Variants in HID1 observed in about 807,000 individuals in gnomAD.
HID1 encodes HID1 domain containing, also known as protein HID1.
Under a neutral mutation model 89.7 loss-of-function variants are expected in HID1, and 42 were observed. The observed-to-expected ratio is 0.47, with a 90% CI of 0.37 to 0.61. The LOEUF is 0.61. HID1 is among the 20% of genes least tolerant of loss of function. The pLI, the probability that HID1 is intolerant of heterozygous loss-of-function variation, is 0.00. For synonymous variants in HID1, 442 were observed against 433.8 expected (o/e 1.02, Z -0.24); for missense variants, 854 against 1,039.3 (o/e 0.82, Z 2.45).
intron 16 of HID1, 144 bp from the exon 17 acceptor site, chr17:74,952,504 C>T: frequency 1.6e-6 from 1 of 629,118 alleles, no homozygotes; most frequent in Non-Finnish European, 2.8e-6. Context: ...CAAGCAGGAC[C>T]CGGGAAGAGT....
chr17:74,958,325 A>G lies in HID1; in HGVS notation c.1392+2T>C. 2 of 1,613,132 alleles carry G rather than the reference A, an allele frequency of 1.2e-6. No individual in the cohort carries two copies. The highest frequency in any genetic ancestry group is 1.7e-6 in the Non-Finnish European group (2 of 1,179,660). On this transcript the variant is annotated splice_donor_variant, in intron 11 of 18. Transcript: ENST00000425042. LOFTEE classifies it high-confidence loss of function. This position sits in a 1 kb window ranked among gnomAD's most constrained non-coding sequence, Gnocchi z 5.2. ...TGGGCCCGGCCGCACGAGCCCCCTC[A>G]CCACAATGAGCAGGTCGGCGTGGGT...
intron 6 of HID1, 151 bp from the exon 7 acceptor site, chr17:74,960,399 C>T: frequency 1.5e-6 from 1 of 678,572 alleles, no homozygotes; most frequent in Non-Finnish European, 2.5e-6. Context: ...GTGTGGGAAG[C>T]CCAGAGCCAT....
intron 13 of HID1, 69 bp downstream of exon 13, chr17:74,955,723 T>C: frequency 6.8e-7 from 1 of 1,480,522 alleles, no homozygotes; most frequent in South Asian, 1.2e-5. Context: ...TCCTGGGCTG[T>C]GCCCCCCTTA....
In HID1 at chr17:74,959,138, C is replaced by G; in HGVS notation, c.1009-87G>C. On this transcript the variant is annotated intron_variant, in intron 8 of 18. Coordinates refer to ENST00000425042, the MANE Select transcript of HID1 (RefSeq NM_030630.3). This position sits in a 1 kb window ranked among gnomAD's most constrained non-coding sequence, Gnocchi z 4.6. ...GCCCAGGCCCCCAACAAATCCCCCC[C>G]TCCATCCCCCAGAGCCAGATCCCAC... The G allele has an allele frequency of 7.1e-7, 1 of 1,402,678 alleles. No homozygotes were observed. Among genetic ancestry groups the G allele is most frequent in the Non-Finnish European group, 9.4e-7 (1 of 1,063,304 alleles). The allele number at this position is 1,402,678 out of a possible 1,614,324, so 86.9% of individuals were successfully genotyped here. A position where few individuals can be genotyped will look rare whatever the true frequency, so the allele number is the denominator to read the frequency against.
rs745764176 is a variant in HID1 at position 74,958,733 on chromosome 17, C to T, written c.1180G>A (p.Asp394Asn). ...ATGGGGACAAGGATGTCTAGGACGTCGCTGCTCTTCAGCACGAAGAAGAGG... is the reference window on the plus strand; with the variant it reads ...ATGGGGACAAGGATGTCTAGGACGTTGCTGCTCTTCAGCACGAAGAAGAGG... ...KFLFFVLKSS[D>N]VLDILVPILF... Residue 394 changes from aspartate (D) to asparagine (N), a missense_variant, in exon 10 of 19, where the codon GAC (aspartate) becomes AAC (asparagine). By Grantham distance (23) the Asp-to-Asn change is conservative (BLOSUM62 1). Coordinates refer to ENST00000425042, the MANE Select transcript of HID1 (RefSeq NM_030630.3). This position sits in a 1 kb window ranked among gnomAD's most constrained non-coding sequence, Gnocchi z 5.2. 47 of 1,610,626 alleles carry T rather than the reference C, an allele frequency of 2.9e-5. No individual in the cohort carries two copies. Among genetic ancestry groups the T allele is most frequent in the African/African-American group, 8.1e-5 (6 of 73,972 alleles).
chr17:74,954,909 CT>C (rs149118942), intron 13 of HID1: 7,888 of 162,210 alleles, frequency 0.049, 662 homozygotes, highest in African/African-American at 0.18. Flanking sequence ...CACCTTACCC[CT>C]ATTTCTCCCT....
At chr17:74,954,468 T>A (rs965079308) in intron 13 of HID1, 103 bp from the exon 14 acceptor site, 9 of 1,532,930 alleles carry the variant, frequency 5.9e-6, no homozygotes, top group Non-Finnish European at 7.0e-6. Context: ...GACAGGAGGG[T>A]GTCTGCCCAA....
intron 15 of HID1, 64 bp from the exon 16 acceptor site, chr17:74,953,150 C>T (rs2039332864): frequency 7.8e-7 from 1 of 1,276,708 alleles, no homozygotes; most frequent in Non-Finnish European, 1.1e-6. Context: ...GAGTGGGGGG[C>T]AATGAGCCCT....
Position 74,959,201 on chromosome 17 carries a change from C to G in HID1, c.1009-150G>C. On this transcript the variant is annotated intron_variant, in intron 8 of 18. Transcript: ENST00000425042. The surrounding 1 kb of genome is among the most constrained non-coding windows in gnomAD (Gnocchi z 4.6). ...AGGGCCCAGATGCTATCACCCATAG[C>G]TGTCCTGGGGCGATGCCTCAGGAAG... is the stretch of plus-strand genomic sequence containing the variant. The G allele has an allele frequency of 2.1e-6, 2 of 952,272 alleles. No individual in the cohort carries two copies. Among genetic ancestry groups the G allele is most frequent in the Non-Finnish European group, 3.0e-6 (2 of 670,216 alleles). 59.0% of individuals were successfully genotyped at this position (952,272 alleles called of 1,614,324 possible).
At position 74,963,812 on chromosome 17, in the gene HID1, C is replaced by A. The variant is rs755769351; in HGVS notation, c.315G>T (p.Leu105=). 2.0e-5 allele frequency: 32 copies of A among 1,614,012 alleles called. No homozygotes were observed. The highest frequency in any genetic ancestry group is 2.7e-5 in the Non-Finnish European group (32 of 1,180,030). The change falls in exon 3 of 19, where the codon CTG becomes CTT. Residue 105 remains leucine (L), a synonymous_variant. Coordinates refer to ENST00000425042, the MANE Select transcript of HID1 (RefSeq NM_030630.3). Reference sequence around the variant, plus strand: ...AGTCGGGGTCCTCAAAGATGTAGGGCAGCACGCGGGTGAGCAGCCGGCTGC... The same window carrying A: ...AGTCGGGGTCCTCAAAGATGTAGGGAAGCACGCGGGTGAGCAGCCGGCTGC... The part of the protein sequence containing the change: ...LNCSRLLTRV[L]PYIFEDPDWR...
rs2144837102 is a variant in HID1 at position 74,972,052 on chromosome 17, G to C, written c.66+539C>G. On this transcript the variant is annotated intron_variant, in intron 1 of 18. Coordinates refer to ENST00000425042, the MANE Select transcript of HID1 (RefSeq NM_030630.3). This position sits in a 1 kb window ranked among gnomAD's most constrained non-coding sequence, Gnocchi z 6.4. ...GCCACTCTTTGCGTGTTCCCAGGAA[G>C]ACCTGGGCCTTCCCTGCCCACGGGC... is the stretch of plus-strand genomic sequence containing the variant. Among the ~76,000 whole-genome samples, 1 of 152,330 alleles carries C rather than the reference G, an allele frequency of 6.6e-6. No individual in the cohort carries two copies. The highest frequency in any genetic ancestry group is 1.9e-4 in the East Asian group (1 of 5,180).
At chr17:74,965,763 A>C (rs143604428) in intron 1 of HID1, among the ~76,000 whole-genome samples, 5,763 of 150,286 alleles carry the variant, frequency 0.038, 366 homozygotes, top group African/African-American at 0.13. Context: ...CTAAAAATAC[A>C]AAAATTAGCC....
chr17:74,952,383 G>A (rs113563455), intron 16 of HID1, 23 bp from the exon 17 acceptor site: 33 of 1,604,130 alleles, frequency 2.1e-5, no homozygotes, highest in African/African-American at 1.7e-4. Context: ...GGGGTTCCTG[G>A]GGCTGAGAAA....
In HID1 at chr17:74,963,592, A is replaced by C. The variant is rs1241902377; in HGVS notation, c.387+148T>G. ...CTGAGGGCCCAAGGAGGTGGCATTG[A>C]ACACCATCCCTCAGCAGCACCCACT... On this transcript the variant is annotated intron_variant, in intron 3 of 18. Coordinates refer to ENST00000425042, the MANE Select transcript of HID1 (RefSeq NM_030630.3). 4.0e-6 allele frequency: 3 copies of C among 750,402 alleles called. No homozygotes were observed. In the African/African-American group the frequency reaches 5.3e-5, roughly 13 times the overall value. The allele number at this position is 750,402 out of a possible 1,614,324, so 46.5% of individuals were successfully genotyped here. A position where few individuals can be genotyped will look rare whatever the true frequency, so the allele number is the denominator to read the frequency against.
In HID1 at chr17:74,954,141, G is replaced by T; in HGVS notation, c.1861C>A (p.Pro621Thr). ...GTLKTSLVAT[P>T]GIDKLTEKSQ... ...GTCCCATCCACTAGCACCAGACCTGGAGTAGCCACCAGACTGGTCTTGAGG... is the reference window on the plus strand; with the variant it reads ...GTCCCATCCACTAGCACCAGACCTGTAGTAGCCACCAGACTGGTCTTGAGG... Residue 621 changes from proline (P) to threonine (T), a missense_variant, in exon 14 of 19, where the codon CCA becomes ACA. Transcript: ENST00000425042. 6.3e-7 allele frequency: 1 copy of T among 1,595,068 alleles called. No homozygotes were observed.
In HID1 at chr17:74,961,596, T is replaced by A. The variant is rs2039480493; in HGVS notation, c.728+277A>T. ...TTTTACTTTTTAACTTTTTTAATTTTAAAATTGCACTCGTGGTTTGCATTC... is the reference window on the plus strand; with the variant it reads ...TTTTACTTTTTAACTTTTTTAATTTAAAAATTGCACTCGTGGTTTGCATTC... On this transcript the variant is annotated intron_variant, in intron 6 of 18. Coordinates refer to ENST00000425042, the MANE Select transcript of HID1 (RefSeq NM_030630.3). The A allele has an allele frequency of 1.4e-5, 3 of 211,166 alleles. No homozygotes were observed. The East Asian group carries it at 2.8e-4, about 20-fold the overall frequency. The allele number at this position is 211,166 out of a possible 1,614,324, so 13.1% of individuals were successfully genotyped here. A position where few individuals can be genotyped will look rare whatever the true frequency, so the allele number is the denominator to read the frequency against.
intron 6 of HID1, among the ~76,000 whole-genome samples, chr17:74,960,487 G>A (rs1166142117): frequency 6.6e-6 from 1 of 152,234 alleles, no homozygotes; most frequent in South Asian, 2.1e-4. Context: ...GGGAATGGAG[G>A]CCTGTGGAGA....
intron 12 of HID1, among the ~76,000 whole-genome samples, chr17:74,957,068 C>T (rs914279820): frequency 1.3e-4 from 20 of 152,318 alleles, no homozygotes; most frequent in South Asian, 2.1e-4. Context: ...CAGTGGCTCA[C>T]GCCTGTATAA....
Position 74,962,941 on chromosome 17 carries a change from G to T in HID1, c.504+24C>A. On this transcript the variant is annotated intron_variant, in intron 4 of 18. Transcript: ENST00000425042. This position sits in a 1 kb window ranked among gnomAD's most constrained non-coding sequence, Gnocchi z 4.3. ...AGGACCAGAGCCTACTCCGCCTGGG[G>T]GTGGGGGGCTGGGGGACACTCACCA... is the stretch of plus-strand genomic sequence containing the variant. 7 of 1,545,922 alleles carry T rather than the reference G, an allele frequency of 4.5e-6. No homozygotes were observed. Among genetic ancestry groups the T allele is most frequent in the Non-Finnish European group, 6.2e-6 (7 of 1,121,782 alleles).
Sources: gnomAD v4.1 joint callset for allele counts (sites outside exome capture counted in the v4.1 genomes callset) on GRCh38, gnomAD v4.1.1 for gene constraint, Gnocchi (gnomAD v3.1) non-coding constraint, MANE v1.5 for transcripts, NCBI Gene and HGNC (gene_info 2026-07-23, HGNC 2026-07-21) for gene names.